The following URM1 variants were observed in gnomAD, a reference collection of about 807,000 sequenced individuals.
URM1 encodes ubiquitin-related modifier 1.
Under a neutral mutation model 17.7 loss-of-function variants are expected in URM1, and 11 were observed. That is an observed-to-expected ratio of 0.62 (90% CI 0.39 to 1.03). The LOEUF is 1.03. Ranked by LOEUF, URM1 falls within the 50% of genes least tolerant of loss-of-function variation. URM1 has a pLI of 0.00. For synonymous variants in URM1, 48 were observed against 50.6 expected (o/e 0.95, Z 0.22); for missense variants, 128 against 129.2 (o/e 0.99, Z 0.04).
rs375604007 is a variant in URM1, at chr9:128,389,666, G to C, written c.238G>C (p.Gly80Arg). 2.9e-5 allele frequency: 46 copies of C among 1,613,512 alleles called. No homozygotes were observed. The highest frequency in any genetic ancestry group is 2.7e-4 in the South Asian group (25 of 91,090). ...CCCGCTCCCCTCTCTCCCGCACCAG[G>C]GTGAGCTGGACTACCAGCTTCAGGA... ...LINDADWELLGELDYQLQDQD... is the reference protein window; with the variant it reads ...LINDADWELLRELDYQLQDQD... Residue 80 changes from glycine (G) to arginine (R), a missense_variant and splice_region_variant, in exon 5 of 5, where the codon GGT becomes CGT. Physicochemically the swap from Gly to Arg is moderately radical, Grantham distance 125 (BLOSUM62 -2). Transcript: ENST00000372853.
At position 128,389,321 on chromosome 9, in the gene URM1, G is replaced by A. The variant is rs370337462; in HGVS notation, c.237+12G>A. The A allele has an allele frequency of 1.6e-5, 26 of 1,613,754 alleles. No individual in the cohort carries two copies. The African/African-American group carries it at 3.5e-4, about 22-fold the overall frequency. ...ACTGGGAGCTACTGGTCAGTACCTT[G>A]GGGGACATCCCTCCCCCAGCCCCTG... On this transcript the variant is annotated intron_variant, in intron 4 of 4. Transcript: ENST00000372853.
chr9:128,379,352 A>G (rs1011608299), intron 2 of URM1, among the ~76,000 whole-genome samples: 1 of 151,154 alleles, frequency 6.6e-6, no homozygotes, highest in Non-Finnish European at 1.5e-5. Context: ...AGTGGCAGGC[A>G]TCTGTAATCC....
chr9:128,371,392 C>T lies in URM1; in HGVS notation c.12C>T (p.Pro4=), dbSNP rs1474204926. MAA[P]LSVEVEFGGG... is the part of the protein sequence containing the mutation. Reference sequence around the variant, plus strand: ...TCGGCTTCCTCAACATGGCTGCGCCCTTGTCAGTGGAGGTGGAGTTCGGGT... The same window carrying T: ...TCGGCTTCCTCAACATGGCTGCGCCTTTGTCAGTGGAGGTGGAGTTCGGGT... The change falls in exon 1 of 5, where the codon CCC becomes CCT. Residue 4 remains proline, a synonymous_variant. Transcript: ENST00000372853. 2.5e-6 allele frequency: 4 copies of T among 1,612,848 alleles called. No individual in the cohort carries two copies. The South Asian group carries it at 3.3e-5, about 13-fold the overall frequency.
chr9:128,385,150 C>T (rs1002955838), intron 2 of URM1, among the ~76,000 whole-genome samples: 1 of 152,122 alleles, frequency 6.6e-6, no homozygotes, highest in African/African-American at 2.4e-5. Context: ...AGCTTCTTAC[C>T]TTCTCTGTTC....
chr9:128,377,501 T>A (rs764094554), intron 1 of URM1, among the ~76,000 whole-genome samples: 3 of 152,096 alleles, frequency 2.0e-5, no homozygotes, highest in Admixed American at 6.6e-5. Flanking sequence ...GGTGAAACCC[T>A]CTGTCTAAAA....
intron 2 of URM1, among the ~76,000 whole-genome samples, chr9:128,385,113 C>T (rs760536971): frequency 6.6e-6 from 1 of 152,174 alleles, no homozygotes; most frequent in Non-Finnish European, 1.5e-5. Context: ...CAGGCCCGTT[C>T]TCAAGGCCTG....
At chr9:128,371,467 A>G (rs370877990) in intron 1 of URM1, 52 bp downstream of exon 1, 44 of 1,591,414 alleles carry the variant, frequency 2.8e-5, no homozygotes, top group Non-Finnish European at 3.8e-5. Context: ...CGTCGGGCCC[A>G]GAATTCCTTT....
intron 3 of URM1, chr9:128,388,329 G>T: frequency 1.0e-6 from 1 of 1,002,450 alleles, no homozygotes. Flanking sequence ...TGCAGCACGG[G>T]TCTAGAATTC....
chr9:128,389,011 C>T, intron 3 of URM1: 2 of 1,316,784 alleles, frequency 1.5e-6, no homozygotes, highest in Non-Finnish European at 1.9e-6. Context: ...AATGACCTGC[C>T]CATGGTCTGG....
rs1159716707 is a variant in URM1, at chr9:128,390,742, T to G, written c.*1008T>G. On this transcript the variant is annotated 3_prime_UTR_variant, in exon 5 of 5. Coordinates refer to ENST00000372853, the MANE Select transcript of URM1 (RefSeq NM_030914.4). ...AGACTAGGTTGTTTACTAGCCTTGC[T>G]TGGAGCTTCATCCTTGGAAACGGGT... 1 of 152,536 alleles carries G rather than the reference T, an allele frequency of 6.6e-6. No individual in the cohort carries two copies. The highest frequency in any genetic ancestry group is 2.4e-5 in the African/African-American group (1 of 41,446). 9.4% of individuals were successfully genotyped at this position (152,536 alleles called of 1,614,324 possible).
chr9:128,379,855 G>A (rs1282039096), intron 2 of URM1, among the ~76,000 whole-genome samples: 1 of 152,122 alleles, frequency 6.6e-6, no homozygotes, highest in African/African-American at 2.4e-5. Flanking sequence ...GCTCATGCCT[G>A]TAATCCTAAC....
At chr9:128,382,036 C>T (rs1833165818) in intron 2 of URM1, among the ~76,000 whole-genome samples, 2 of 152,176 alleles carry the variant, frequency 1.3e-5, no homozygotes, top group African/African-American at 4.8e-5. Context: ...CCAGAGTTAC[C>T]CAAGTAGGGA....
At chr9:128,389,343 C>T in intron 4 of URM1, 34 bp downstream of exon 4, 3 of 1,613,962 alleles carry the variant, frequency 1.9e-6, no homozygotes, top group Non-Finnish European at 2.5e-6. Context: ...TCCCCCAGCC[C>T]CTGCCCTTGC....
intron 2 of URM1, among the ~76,000 whole-genome samples, chr9:128,379,419 C>G (rs1416339720): frequency 1.3e-5 from 2 of 152,058 alleles, no homozygotes; most frequent in Non-Finnish European, 2.9e-5. Context: ...GCAGAGGTTG[C>G]AGTGAACCAA....
intron 2 of URM1, among the ~76,000 whole-genome samples, chr9:128,386,088 G>A (rs945534224): frequency 7.9e-5 from 12 of 152,150 alleles, no homozygotes; most frequent in Admixed American, 5.2e-4. Flanking sequence ...TTTGGAGGGA[G>A]TCAGGGCTGT....
chr9:128,373,901 A>AAT (rs544726550), intron 1 of URM1, among the ~76,000 whole-genome samples: 149 of 152,234 alleles, frequency 9.8e-4, no homozygotes, highest in South Asian at 3.7e-3. Context: ...AAATAAACAA[A>AAT]ATATATATAT....
chr9:128,384,481 G>T (rs1372914125), intron 2 of URM1, among the ~76,000 whole-genome samples: 2 of 152,136 alleles, frequency 1.3e-5, no homozygotes, highest in Non-Finnish European at 2.9e-5. Context: ...TACTCTCGCA[G>T]TCCCCTCATT....
rs148989033 is a variant in URM1 at position 128,380,499 on chromosome 9, G to A, written c.106+2393G>A. Among the ~76,000 whole-genome samples the A allele has an allele frequency of 2.8e-4, 43 of 152,222 alleles. No individual in the cohort carries two copies. In the East Asian group the frequency reaches 7.7e-3, roughly 27 times the overall value. On this transcript the variant is annotated intron_variant, in intron 2 of 4. Coordinates refer to ENST00000372853, the MANE Select transcript of URM1 (RefSeq NM_030914.4). ...CCATGCAGCCTTGGGAGGGCACATG[G>A]TGCTCTCAGAAGAAGCTTCTCAAAG... is the stretch of plus-strand genomic sequence containing the variant.
intron 3 of URM1, chr9:128,388,200 ACT>A: frequency 1.7e-6 from 2 of 1,200,420 alleles, no homozygotes; most frequent in Non-Finnish European, 1.0e-6. Flanking sequence ...GGCCTCAGTT[ACT>A]CTCTACACAG....
Sources: gnomAD v4.1 joint callset for allele counts (sites outside exome capture counted in the v4.1 genomes callset) on GRCh38, gnomAD v4.1.1 for gene constraint, MANE v1.5 for transcripts, NCBI Gene and HGNC (gene_info 2026-07-23, HGNC 2026-07-21) for gene names.